The following PDE1A variants were observed in gnomAD, a reference collection of about 807,000 sequenced individuals.
PDE1A encodes the protein phosphodiesterase 1A, also known as dual specificity calcium/calmodulin-dependent 3',5'-cyclic nucleotide phosphodiesterase 1A.
Under a neutral mutation model 61.7 loss-of-function variants are expected in PDE1A, and 35 were observed. The observed-to-expected ratio is 0.57, with a 90% CI of 0.43 to 0.75. The LOEUF (loss-of-function observed/expected upper bound fraction) is 0.75, where lower values mean the gene tolerates loss of function less well. Among genes scored for constraint, PDE1A ranks in the 30% least tolerant of loss-of-function variants. The probability of loss-of-function intolerance (pLI) is 0.00; values close to 1 mark genes in which losing one functional copy is unlikely to be tolerated. For synonymous variants in PDE1A, 232 were observed against 213.2 expected (o/e 1.09, Z -0.77); for missense variants, 597 against 630.6 (o/e 0.95, Z 0.57).
At chr2:182,298,834 T>C (rs112146085) in intron 1 of PDE1A, among the ~76,000 whole-genome samples, 1,567 of 152,124 alleles carry the variant, frequency 0.01, 10 homozygotes, top group Non-Finnish European at 0.016. Flanking sequence ...TTGAGGACTC[T>C]AGACTTTAAG....
the PDE1A span, among the ~76,000 whole-genome samples, chr2:182,700,300 G>GA: frequency 2.6e-5 from 4 of 152,150 alleles, no homozygotes; most frequent in Non-Finnish European, 5.9e-5. Context: ...GGCCGGGCGC[G>GA]GTGGCTCACG....
the PDE1A span, among the ~76,000 whole-genome samples, chr2:182,630,522 T>A: frequency 2.0e-5 from 3 of 150,228 alleles, no homozygotes; most frequent in African/African-American, 7.3e-5. Context: ...TCTCACATGG[T>A]AAGGCAAGCT....
In PDE1A at chr2:182,170,218, A is replaced by G. The variant is rs533001526; in HGVS notation, c.1517-1928T>C. Among the ~76,000 whole-genome samples the G allele has an allele frequency of 4.1e-4, 63 of 152,202 alleles. No homozygotes were observed. In the Middle Eastern group the frequency reaches 0.01, roughly 25 times the overall value. ...AAATTAGTTTTGTGACGTTAGACAA[A>G]TAATTTAGTTTCTCTGAGTGAGCTT... On this transcript the variant is annotated intron_variant, in intron 13 of 13. Coordinates refer to ENST00000351439, the Ensembl canonical transcript of PDE1A.
intron 1 of PDE1A, among the ~76,000 whole-genome samples, chr2:182,395,118 A>G (rs748492639): frequency 1.3e-5 from 2 of 152,214 alleles, no homozygotes; most frequent in Non-Finnish European, 2.9e-5. Context: ...ATTTCCTGGT[A>G]CCTGCTATGC....
chr2:182,356,457 T>C (rs1404621252), intron 1 of PDE1A, among the ~76,000 whole-genome samples: 5 of 152,164 alleles, frequency 3.3e-5, no homozygotes, highest in Non-Finnish European at 7.4e-5. Context: ...AGATTTCTCA[T>C]TGCTGTCTTA....
rs142555501 is a variant in PDE1A at position 182,396,272 on chromosome 2, C to G, written c.53+30306G>C. On this transcript the variant is annotated intron_variant, in intron 1 of 13. Coordinates refer to ENST00000351439, the Ensembl canonical transcript of PDE1A. ...CCTTTCCTAGGACATCCCTGAAGGA[C>G]AGTGGTGAAGGGAAATCTTCCCAGT... 3.0e-3 allele frequency among the ~76,000 whole-genome samples: 458 copies of G among 152,326 alleles called. 1 individual carries two copies. The highest frequency in any genetic ancestry group is 0.01 in the African/African-American group (423 of 41,580).
chr2:182,557,444 G>A, the PDE1A span, among the ~76,000 whole-genome samples: 1 of 151,956 alleles, frequency 6.6e-6, no homozygotes, highest in Non-Finnish European at 1.5e-5. Flanking sequence ...TGGCACAGTG[G>A]CTCACACCTG....
At chr2:182,154,165 A>AAACAAC (rs752564339) in intron 13 of PDE1A, among the ~76,000 whole-genome samples, 1 of 152,170 alleles carries the variant, frequency 6.6e-6, no homozygotes, top group East Asian at 1.9e-4. Flanking sequence ...GAAAACAAAC[A>AAACAAC]AACAACAACA....
At chr2:182,533,465 G>A in the PDE1A span, among the ~76,000 whole-genome samples, 2 of 152,152 alleles carry the variant, frequency 1.3e-5, no homozygotes, top group Admixed American at 6.5e-5. Flanking sequence ...TGGAATAGCT[G>A]CCAGATAATG....
chr2:182,318,325 C>T (rs1409536358), intron 1 of PDE1A, among the ~76,000 whole-genome samples: 1 of 152,108 alleles, frequency 6.6e-6, no homozygotes, highest in Non-Finnish European at 1.5e-5. Flanking sequence ...AACCTACACA[C>T]ACCCTCTGAC....
intron 1 of PDE1A, among the ~76,000 whole-genome samples, chr2:182,415,958 C>T (rs926802776): frequency 3.9e-5 from 6 of 152,122 alleles, no homozygotes; most frequent in African/African-American, 1.4e-4. Context: ...GTTCTCCTAA[C>T]ATATTTGTCA....
At chr2:182,577,572 G>T in the PDE1A span, among the ~76,000 whole-genome samples, 1 of 152,134 alleles carries the variant, frequency 6.6e-6, no homozygotes, top group African/African-American at 2.4e-5. Context: ...GAGGTGAAGG[G>T]GTCAAACATG....
At chr2:182,491,613 G>A (rs1035558881) in intron 2 of PDE1A, among the ~76,000 whole-genome samples, 1 of 152,126 alleles carries the variant, frequency 6.6e-6, no homozygotes, top group African/African-American at 2.4e-5. Flanking sequence ...ACGAAATATG[G>A]GAAAGCTGTT....
intron 2 of PDE1A, among the ~76,000 whole-genome samples, chr2:182,262,955 A>ATGTGTGTGTGTGTGTGTGTGTG (rs60469609): frequency 6.8e-6 from 1 of 147,158 alleles, no homozygotes; most frequent in Non-Finnish European, 1.5e-5. Flanking sequence ...TTATTAAACA[A>ATGTGTGTGTGTGTGTGTGTGTG]TGTGTGTGTG....
intron 8 of PDE1A, among the ~76,000 whole-genome samples, chr2:182,204,897 A>T (rs1686970126): frequency 6.6e-6 from 1 of 152,206 alleles, no homozygotes; most frequent in Admixed American, 6.5e-5. Context: ...GAGTTGCAAA[A>T]ATGAGCCCAT....
chr2:182,527,046 T>C (rs1690781309), upstream of PDE1A, among the ~76,000 whole-genome samples: 1 of 151,480 alleles, frequency 6.6e-6, no homozygotes, highest in South Asian at 2.1e-4. Context: ...CAATAAAAGA[T>C]ATTCTATTTT....
intron 1 of PDE1A, among the ~76,000 whole-genome samples, chr2:182,316,690 T>C (rs901730357): frequency 6.6e-6 from 1 of 152,208 alleles, no homozygotes; most frequent in Non-Finnish European, 1.5e-5. Flanking sequence ...TAAAACTGCA[T>C]GACAATAAAT....
At chr2:182,527,303 TAA>T (rs869281717), upstream of PDE1A, among the ~76,000 whole-genome samples, 79 of 22,808 alleles carry the variant, frequency 3.5e-3, 1 homozygote, top group Middle Eastern at 0.026. Context: ...CCTTTCTCTA[TAA>T]AAAAAAAAAA....
chr2:182,290,864 A>G (rs1201424168), intron 1 of PDE1A, among the ~76,000 whole-genome samples: 2 of 152,018 alleles, frequency 1.3e-5, no homozygotes, highest in South Asian at 2.1e-4. Context: ...CCATAACCCC[A>G]GCTGGAGCTC....
Sources: allele counts gnomAD v4.1 joint callset (sites outside exome capture counted in the v4.1 genomes callset), GRCh38; gene constraint gnomAD v4.1.1; transcripts MANE v1.5; gene names NCBI Gene and HGNC (gene_info 2026-07-23, HGNC 2026-07-21).